The following ADAM10 variants were observed in gnomAD, a reference collection of about 807,000 sequenced individuals.
ADAM10 encodes disintegrin and metalloproteinase domain-containing protein 10.
A neutral mutation model predicts 90.1 loss-of-function variants in ADAM10; 17 were observed. The observed-to-expected ratio is 0.19, with a 90% CI of 0.13 to 0.28. ADAM10 has a LOEUF of 0.28. ADAM10 is among the 10% of genes least tolerant of loss of function. The probability of loss-of-function intolerance (pLI) is 1.00; values close to 1 mark genes in which losing one functional copy is unlikely to be tolerated. For missense variants in ADAM10, 610 were observed against 914.3 expected (o/e 0.67, Z 4.29); for synonymous variants, 310 against 298.6 (o/e 1.04, Z -0.40).
chr15:58,728,930 G>T (rs751768723), intron 1 of ADAM10, among the ~76,000 whole-genome samples: 1 of 152,172 alleles, frequency 6.6e-6, no homozygotes, highest in South Asian at 2.1e-4. Context: ...GACAACCAGT[G>T]ACCACAGGTC....
chr15:58,626,925 T>C (rs1895965816), intron 10 of ADAM10, among the ~76,000 whole-genome samples: 1 of 152,178 alleles, frequency 6.6e-6, no homozygotes, highest in Non-Finnish European at 1.5e-5. Flanking sequence ...CTATAATTAA[T>C]GTCACAGAAC....
intron 4 of ADAM10, among the ~76,000 whole-genome samples, chr15:58,674,374 G>A (rs1418680322): frequency 6.6e-6 from 1 of 152,174 alleles, no homozygotes; most frequent in Non-Finnish European, 1.5e-5. Context: ...CACTGTGGGA[G>A]TTCAGAAGTC....
Position 58,692,110 on chromosome 15 carries a change from A to G in ADAM10, c.207-9796T>C, listed in dbSNP as rs1346239254. Reference sequence around the variant, plus strand: ...CAAAGCCGACATACTCTGGCATCAAATCATCAAAGCTGTCCATGATCCACA... The same window carrying G: ...CAAAGCCGACATACTCTGGCATCAAGTCATCAAAGCTGTCCATGATCCACA... On this transcript the variant is annotated intron_variant, in intron 2 of 15. Transcript: ENST00000260408. The G allele has an allele frequency of 6.1e-6, 3 of 493,114 alleles. No individual in the cohort carries two copies. The Admixed American group carries it at 6.7e-5, about 11-fold the overall frequency. 30.5% of individuals were successfully genotyped at this position (493,114 alleles called of 1,614,324 possible). A position where few individuals can be genotyped will look rare whatever the true frequency, so the allele number is the denominator to read the frequency against.
At chr15:58,619,732 A>G (rs529489799) in intron 11 of ADAM10, among the ~76,000 whole-genome samples, 16 of 152,116 alleles carry the variant, frequency 1.1e-4, no homozygotes, top group Non-Finnish European at 2.1e-4. Flanking sequence ...GTGAAAGCCC[A>G]TCTCTACTAA....
At chr15:58,723,689 C>G (rs6494035) in intron 1 of ADAM10, among the ~76,000 whole-genome samples, 69,114 of 151,726 alleles carry the variant, frequency 0.46, 18,426 homozygotes, top group East Asian at 0.84. Flanking sequence ...TGGGCAACAA[C>G]AGTGAGCCTC....
At chr15:58,723,744 A>G (rs1217946389) in intron 1 of ADAM10, among the ~76,000 whole-genome samples, 1 of 152,074 alleles carries the variant, frequency 6.6e-6, no homozygotes, top group Non-Finnish European at 1.5e-5. Context: ...CCCACTTTAT[A>G]TCATAGCAAA....
chr15:58,682,344 C>A (rs758249213), intron 2 of ADAM10, 30 bp from the exon 3 acceptor site: 1 of 1,599,570 alleles, frequency 6.3e-7, no homozygotes, highest in Non-Finnish European at 8.5e-7. Context: ...GGGGGAACAA[C>A]TGAAATTAAA....
chr15:58,745,617 CA>C (rs1430465535), intron 1 of ADAM10, among the ~76,000 whole-genome samples: 1 of 151,732 alleles, frequency 6.6e-6, no homozygotes, highest in African/African-American at 2.4e-5. Context: ...GAAAACATTG[CA>C]AAAAAATATT....
chr15:58,710,252 T>A (rs1197093179), intron 2 of ADAM10, among the ~76,000 whole-genome samples: 4 of 152,126 alleles, frequency 2.6e-5, no homozygotes, highest in Non-Finnish European at 4.4e-5. Flanking sequence ...CACCCCAGCC[T>A]GGAAAAAAAT....
At chr15:58,625,743 T>G (rs571536641) in intron 10 of ADAM10, among the ~76,000 whole-genome samples, 13 of 152,332 alleles carry the variant, frequency 8.5e-5, no homozygotes, top group African/African-American at 3.1e-4. Context: ...AGCCAAACAC[T>G]GGAAACAGCC....
At chr15:58,680,343 G>A (rs561086514) in intron 3 of ADAM10, among the ~76,000 whole-genome samples, 25 of 152,194 alleles carry the variant, frequency 1.6e-4, no homozygotes, top group African/African-American at 5.3e-4. Flanking sequence ...GGCTGGTCTG[G>A]AACTCCTGGG....
chr15:58,691,069 C>T (rs1445210714), intron 2 of ADAM10: 4 of 612,800 alleles, frequency 6.5e-6, no homozygotes, highest in Non-Finnish European at 1.3e-5. Flanking sequence ...TCCCAAAATG[C>T]CTGCGCTTTC....
intron 8 of ADAM10, among the ~76,000 whole-genome samples, chr15:58,640,120 G>T (rs1209994877): frequency 6.6e-6 from 1 of 152,132 alleles, no homozygotes; most frequent in Non-Finnish European, 1.5e-5. Flanking sequence ...CCACTGTAAT[G>T]GGAAGGGTAT....
intron 2 of ADAM10, among the ~76,000 whole-genome samples, chr15:58,705,858 TTACAG>T (rs1285384629): frequency 1.3e-5 from 2 of 152,224 alleles, no homozygotes; most frequent in Admixed American, 1.3e-4. Flanking sequence ...TTCACATAAC[TTACAG>T]TAGTTATCAT....
chr15:58,593,833 C>T lies in ADAM10; in HGVS notation c.*3714G>A, dbSNP rs1894882580. The T allele has an allele frequency of 6.6e-6, 1 of 152,114 alleles. No homozygotes were observed. Among genetic ancestry groups the T allele is most frequent in the Non-Finnish European group, 1.5e-5 (1 of 68,022 alleles). 9.4% of individuals were successfully genotyped at this position (152,114 alleles called of 1,614,324 possible). ...GAATTTCTACTGAAAATAGTACATA[C>T]ATGTATATATCTAAGACACACAAAC... On this transcript the variant is annotated 3_prime_UTR_variant, in exon 16 of 16. Coordinates refer to ENST00000260408, the MANE Select transcript of ADAM10 (RefSeq NM_001110.4).
chr15:58,618,750 G>GA (rs1895693230), intron 11 of ADAM10, among the ~76,000 whole-genome samples: 1 of 151,938 alleles, frequency 6.6e-6, no homozygotes. Flanking sequence ...ACAAGTACAT[G>GA]AAAAAATGTT....
intron 4 of ADAM10, among the ~76,000 whole-genome samples, chr15:58,670,910 T>G (rs1400230307): frequency 6.6e-6 from 1 of 152,158 alleles, no homozygotes; most frequent in Non-Finnish European, 1.5e-5. Context: ...AGATAAGAGA[T>G]ATTAGCACCA....
intron 4 of ADAM10, chr15:58,676,027 C>T (rs1192409883): frequency 1.5e-4 from 33 of 215,996 alleles, no homozygotes; most frequent in African/African-American, 6.8e-4. Context: ...TAATAATACA[C>T]ATTAAAGGGC....
In ADAM10 at chr15:58,730,453, G is replaced by GT. The variant is rs1899198814; in HGVS notation, c.56-12727dup. ...AGTATTACAAAATGTTACAGAACAG[G>GT]TATTAAATCTTTGGTAAGTCACTTA... On this transcript the variant is annotated intron_variant, in intron 1 of 15. Coordinates refer to ENST00000260408, the MANE Select transcript of ADAM10 (RefSeq NM_001110.4). 2.0e-5 allele frequency among the ~76,000 whole-genome samples: 3 copies of GT among 152,262 alleles called. No homozygotes were observed. The South Asian group carries it at 6.2e-4, about 32-fold the overall frequency.
Sources: gnomAD v4.1 joint callset for allele counts (sites outside exome capture counted in the v4.1 genomes callset) on GRCh38, gnomAD v4.1.1 for gene constraint, MANE v1.5 for transcripts, NCBI Gene and HGNC (gene_info 2026-07-23, HGNC 2026-07-21) for gene names.